ZBTB21: variants seen among roughly 807,000 people sequenced by gnomAD.
ZBTB21 encodes zinc finger and BTB domain containing 21.
A neutral mutation model predicts 39.8 loss-of-function variants in ZBTB21; 10 were observed. That is an observed-to-expected ratio of 0.25 (90% CI 0.16 to 0.43). ZBTB21 has a LOEUF of 0.43. Ranked by LOEUF, ZBTB21 falls within the 20% of genes least tolerant of loss-of-function variation. ZBTB21 has a pLI of 1.00. For missense variants in ZBTB21, 1,221 were observed against 1,296.3 expected, an observed-to-expected ratio of 0.94 and a Z score of 0.89; for synonymous variants, 551 against 498.8, an observed-to-expected ratio of 1.10 and a Z score of -1.40.
At chr21:42,007,167 G>A (rs796418883) in intron 1 of ZBTB21, among the ~76,000 whole-genome samples, 22 of 152,284 alleles carry the variant, frequency 1.4e-4, no homozygotes, top group African/African-American at 5.1e-4. Context: ...TTTAAAGACT[G>A]ATAATCTATT....
chr21:42,004,263 G>A (rs2065852143), intron 1 of ZBTB21, among the ~76,000 whole-genome samples: 1 of 152,120 alleles, frequency 6.6e-6, no homozygotes, highest in Admixed American at 6.5e-5. Context: ...GTCTCCCAAA[G>A]TGCTGGGATT....
At chr21:42,002,616 A>T (rs1569113287) in intron 2 of ZBTB21, 1 of 152,200 alleles carries the variant, frequency 6.6e-6, no homozygotes, top group East Asian at 1.9e-4. Context: ...GCAGGTTTTC[A>T]TTATGAGTAA....
chr21:41,989,474 A>C lies in ZBTB21; in HGVS notation c.*1421T>G, dbSNP rs1354611084. 1 of 152,196 alleles carries C rather than the reference A, an allele frequency of 6.6e-6. No individual in the cohort carries two copies. The highest frequency in any genetic ancestry group is 1.5e-5 in the Non-Finnish European group (1 of 68,004). The allele number at this position is 152,196 out of a possible 1,614,324, so 9.4% of individuals were successfully genotyped here. A position where few individuals can be genotyped will look rare whatever the true frequency, so the allele number is the denominator to read the frequency against. On this transcript the variant is annotated 3_prime_UTR_variant, in exon 3 of 3. Coordinates refer to ENST00000310826, the MANE Select transcript of ZBTB21 (RefSeq NM_001098402.2). ...TCTAAATTGGTATTACTTTCTTAAA[A>C]GGATTTTGTAGTTTCGTTTTTTTAA...
Position 41,991,253 on chromosome 21 carries a change from GTGCGAAAAGC to G in ZBTB21, c.2833_2842del (p.Ala945LeufsTer149). The G allele has an allele frequency of 6.2e-7, 1 of 1,614,194 alleles. No individual in the cohort carries two copies. Among genetic ancestry groups the G allele is most frequent in the Non-Finnish European group, 8.5e-7 (1 of 1,180,028 alleles). On this transcript the variant is annotated frameshift_variant, in exon 3 of 3. Transcript: ENST00000310826. LOFTEE classifies it high-confidence loss of function. This position sits in a 1 kb window ranked among gnomAD's most constrained non-coding sequence, Gnocchi z 4.9. ...GAAGTGACTCCAGAGTCGAAAATTA[GTGCGAAAAGC>G]TTTGTTGCACACGTGACAAATAAAT...
intron 1 of ZBTB21, among the ~76,000 whole-genome samples, chr21:42,008,266 G>A (rs144803386): frequency 0.011 from 1,605 of 146,252 alleles, 27 homozygotes; most frequent in African/African-American, 0.039. Flanking sequence ...AGCACTTTGG[G>A]AGACCAAGTG....
chr21:41,992,170 G>C lies in ZBTB21; in HGVS notation c.1926C>G (p.Gly642=). ...KKALIIKLRR[G]KPGFQGQSSS... is the part of the protein sequence containing the mutation. ...TACTCTGTCCCTGAAAACCAGGCTTGCCGCGCCTTAACTTAATGATCAGGG... is the reference window on the plus strand; with the variant it reads ...TACTCTGTCCCTGAAAACCAGGCTTCCCGCGCCTTAACTTAATGATCAGGG... The change falls in exon 3 of 3, where the codon GGC becomes GGG. Residue 642 remains glycine (G), a synonymous_variant. Coordinates refer to ENST00000310826, the MANE Select transcript of ZBTB21 (RefSeq NM_001098402.2). This position sits in a 1 kb window ranked among gnomAD's most constrained non-coding sequence, Gnocchi z 4.1. 1 of 1,614,156 alleles carries C rather than the reference G, an allele frequency of 6.2e-7. No homozygotes were observed. Among genetic ancestry groups the C allele is most frequent in the African/African-American group, 1.3e-5 (1 of 75,030 alleles).
At position 41,989,444 on chromosome 21, in the gene ZBTB21, T is replaced by C. The variant is rs1204987566; in HGVS notation, c.*1451A>G. The C allele has an allele frequency of 6.6e-6, 1 of 152,172 alleles. No individual in the cohort carries two copies. The highest frequency in any genetic ancestry group is 1.9e-4 in the East Asian group (1 of 5,200). 9.4% of individuals were successfully genotyped at this position (152,172 alleles called of 1,614,324 possible). ...TGAAAGAATACCTCGTAACACAAAC[T>C]AGAGTCTAAATTGGTATTACTTTCT... On this transcript the variant is annotated 3_prime_UTR_variant, in exon 3 of 3. Coordinates refer to ENST00000310826, the MANE Select transcript of ZBTB21 (RefSeq NM_001098402.2).
chr21:42,009,944 A>C (rs2065939638), intron 1 of ZBTB21, among the ~76,000 whole-genome samples: 1 of 152,162 alleles, frequency 6.6e-6, no homozygotes, highest in African/African-American at 2.4e-5. Flanking sequence ...CAGCTCGGCC[A>C]GGGTGAAGAG....
intron 2 of ZBTB21, among the ~76,000 whole-genome samples, chr21:42,001,070 A>T (rs530562469): frequency 1.8e-4 from 27 of 152,338 alleles, no homozygotes; most frequent in Non-Finnish European, 3.1e-4. Flanking sequence ...GGAGGTAGGT[A>T]CTATTATTAT....
chr21:42,005,642 T>A (rs1225677759), intron 1 of ZBTB21, among the ~76,000 whole-genome samples: 7 of 152,354 alleles, frequency 4.6e-5, no homozygotes, highest in Admixed American at 4.6e-4. Flanking sequence ...TGTCATGCCT[T>A]CCAAACCCAT....
intron 2 of ZBTB21, among the ~76,000 whole-genome samples, chr21:42,000,714 T>C (rs2065807295): frequency 6.6e-6 from 1 of 152,206 alleles, no homozygotes; most frequent in Non-Finnish European, 1.5e-5. Context: ...ACCTCTATCT[T>C]CTTTGGATGA....
At chr21:42,003,352 G>C (rs1376363567) in intron 1 of ZBTB21, among the ~76,000 whole-genome samples, 1 of 152,188 alleles carries the variant, frequency 6.6e-6, no homozygotes, top group African/African-American at 2.4e-5. Context: ...CCTGCTTCTT[G>C]TTCTCCTGTA....
At chr21:42,006,240 C>T (rs910369194) in intron 1 of ZBTB21, among the ~76,000 whole-genome samples, 3 of 152,112 alleles carry the variant, frequency 2.0e-5, no homozygotes, top group East Asian at 1.9e-4. Flanking sequence ...CATGGTAATA[C>T]CCTGTCTCTA....
rs140241861 is a variant in ZBTB21 at position 41,988,828 on chromosome 21, G to A, written c.*2067C>T. 2.5e-3 allele frequency: 384 copies of A among 151,900 alleles called. 3 individuals are homozygous for A. Among genetic ancestry groups the A allele is most frequent in the African/African-American group, 8.9e-3 (368 of 41,450 alleles). 9.4% of individuals were successfully genotyped at this position (151,900 alleles called of 1,614,324 possible). A position where few individuals can be genotyped will look rare whatever the true frequency, so the allele number is the denominator to read the frequency against. On this transcript the variant is annotated 3_prime_UTR_variant, in exon 3 of 3. Transcript: ENST00000310826. ...TTCGAAAATGTAGCATAAAGGTTTA[G>A]GTCCTGGGATACTGAATTTATAATG... is the stretch of plus-strand genomic sequence containing the variant.
rs149797502 is a variant in ZBTB21, at chr21:41,993,669, T to G, written c.427A>C (p.Ser143Arg). 6.2e-7 allele frequency: 1 copy of G among 1,614,218 alleles called. No homozygotes were observed. Among genetic ancestry groups the G allele is most frequent in the East Asian group, 2.2e-5 (1 of 44,878 alleles). The change falls in exon 3 of 3, where the codon AGT becomes CGT. Residue 143 changes from serine to arginine, a missense_variant. Coordinates refer to ENST00000310826, the MANE Select transcript of ZBTB21 (RefSeq NM_001098402.2). Reference protein sequence around the residue: ...KKVFVEDDENSSQKRSVIVCQ... With the variant: ...KKVFVEDDENRSQKRSVIVCQ... ...ACAATGACACTTCTCTTTTGAGAAC[T>G]GTTTTCATCATCTTCTACAAACACT... is the stretch of plus-strand genomic sequence containing the variant.
chr21:41,992,872 C>T lies in ZBTB21; in HGVS notation c.1224G>A (p.Arg408=), dbSNP rs777366372. 51 of 1,614,054 alleles carry T rather than the reference C, an allele frequency of 3.2e-5. No homozygotes were observed. The highest frequency in any genetic ancestry group is 1.6e-4 in the Middle Eastern group (1 of 6,084). The part of the protein sequence containing the change: ...RPQVLQPHRL[R]SFSASQSTDR... ...CTGTTGACTGAGAAGCACTAAAGGA[C>T]CTGAGGCGATGCGGTTGTAGCACTT... Residue 408 remains arginine (R), a synonymous_variant, in exon 3 of 3, where the codon AGG becomes AGA. Transcript: ENST00000310826. The surrounding 1 kb of genome is among the most constrained non-coding windows in gnomAD (Gnocchi z 4.1).
chr21:41,992,789 G>A lies in ZBTB21; in HGVS notation c.1307C>T (p.Pro436Leu), dbSNP rs769896114. Reference protein sequence around the residue: ...EVRIKTEPSSPLSDPSDIIRV... With the variant: ...EVRIKTEPSSLLSDPSDIIRV... ...GATGATGTCCGAGGGGTCCGACAGC[G>A]GGCTGCTGGGCTCAGTCTTTATGCG... The change falls in exon 3 of 3, where the codon CCG becomes CTG. Residue 436 changes from proline (P) to leucine (L), a missense_variant. Transcript: ENST00000310826. This position sits in a 1 kb window ranked among gnomAD's most constrained non-coding sequence, Gnocchi z 4.1. 1.1e-5 allele frequency: 18 copies of A among 1,613,904 alleles called. No homozygotes were observed. The highest frequency in any genetic ancestry group is 5.3e-5 in the African/African-American group (4 of 74,908).
Position 41,993,716 on chromosome 21 carries a change from G to A in ZBTB21, c.380C>T (p.Pro127Leu), listed in dbSNP as rs754562350. The A allele has an allele frequency of 6.2e-7, 1 of 1,614,018 alleles. No homozygotes were observed. The highest frequency in any genetic ancestry group is 8.5e-7 in the Non-Finnish European group (1 of 1,179,982). The change falls in exon 3 of 3, where the codon CCA becomes CTA. Residue 127 changes from proline (P) to leucine (L), a missense_variant. Physicochemically the swap from Pro to Leu is moderately conservative, Grantham distance 98. Coordinates refer to ENST00000310826, the MANE Select transcript of ZBTB21 (RefSeq NM_001098402.2). ...CACTTTTTTTCTATTAGGACACGTT[G>A]GAAAGGGGGCTTGAGGTGTTTTAGA... ...IVSKTPQAPF[P>L]TCPNRKKVFV...
intron 1 of ZBTB21, among the ~76,000 whole-genome samples, chr21:42,004,024 G>A (rs1320508002): frequency 7.0e-6 from 1 of 143,322 alleles, no homozygotes; most frequent in Admixed American, 7.0e-5. Flanking sequence ...TTTTTTTGAA[G>A]AGTCTCACTC....
Sources: allele counts gnomAD v4.1 joint callset (sites outside exome capture counted in the v4.1 genomes callset), GRCh38; gene constraint gnomAD v4.1.1; non-coding constraint Gnocchi (gnomAD v3.1); transcripts MANE v1.5; gene names NCBI Gene and HGNC (gene_info 2026-07-23, HGNC 2026-07-21).